CEP162: variants seen among roughly 807,000 people sequenced by gnomAD.
The protein encoded by CEP162 is centrosomal protein 162.
A neutral mutation model predicts 169.2 loss-of-function variants in CEP162; 141 were observed. The ratio of observed to expected loss-of-function variants is 0.83; its 90% CI spans 0.73 to 0.96. CEP162 has a LOEUF of 0.96. Ranked by LOEUF, CEP162 falls within the 40% of genes least tolerant of loss-of-function variation. CEP162 has a pLI of 0.00. For synonymous variants in CEP162, 540 were observed against 526.4 expected, an observed-to-expected ratio of 1.03 and a Z score of -0.35; for missense variants, 1,600 against 1,587.2, an observed-to-expected ratio of 1.01 and a Z score of -0.14.
At chr6:84,204,641 C>T (rs914798461) in intron 6 of CEP162, among the ~76,000 whole-genome samples, 8 of 151,996 alleles carry the variant, frequency 5.3e-5, no homozygotes, top group Non-Finnish European at 8.8e-5. Flanking sequence ...GATCTAAAAT[C>T]GACACCCTAA....
chr6:84,152,777 T>G lies in CEP162; in HGVS notation c.3397A>C (p.Lys1133Gln). The part of the protein sequence containing the change: ...NSKGREEMSA[K>Q]RAKKDVLHSS... ...TGCAAAACATCTTTCTTTGCCCTTT[T>G]GGCAGACATTTCCTCTCTGCCCTTT... is the stretch of plus-strand genomic sequence containing the variant. Residue 1133 changes from lysine to glutamine, a missense_variant, in exon 23 of 27, where the codon AAA becomes CAA. Lys to Gln is a moderately conservative substitution (Grantham distance 53). Transcript: ENST00000403245. 2 of 1,613,520 alleles carry G rather than the reference T, an allele frequency of 1.2e-6. No homozygotes were observed. The highest frequency in any genetic ancestry group is 1.3e-5 in the African/African-American group (1 of 75,036).
intron 25 of CEP162, among the ~76,000 whole-genome samples, chr6:84,132,404 G>T (rs988218977): frequency 6.6e-6 from 1 of 152,086 alleles, no homozygotes; most frequent in African/African-American, 2.4e-5. Flanking sequence ...TGCTAGGCTG[G>T]GGAAGTTCTC....
intron 13 of CEP162, among the ~76,000 whole-genome samples, chr6:84,178,177 T>C (rs1277103001): frequency 6.6e-6 from 1 of 152,186 alleles, no homozygotes; most frequent in Admixed American, 6.5e-5. Flanking sequence ...GTTATGACAT[T>C]TATGAGATAT....
intron 6 of CEP162, among the ~76,000 whole-genome samples, chr6:84,210,817 C>G (rs557486881): frequency 1.3e-5 from 2 of 152,212 alleles, no homozygotes; most frequent in East Asian, 3.9e-4. Flanking sequence ...TCATTGATCA[C>G]TAGGGGCATT....
At chr6:84,163,356 AC>A in intron 18 of CEP162, 86 bp from the exon 19 acceptor site, 2 of 951,884 alleles carry the variant, frequency 2.1e-6, no homozygotes, top group Non-Finnish European at 3.1e-6. Flanking sequence ...CATCATGAAC[AC>A]TACGGCAAAA....
chr6:84,194,518 A>G (rs553356288), intron 10 of CEP162, among the ~76,000 whole-genome samples: 5 of 150,416 alleles, frequency 3.3e-5, no homozygotes, highest in African/African-American at 1.2e-4. Context: ...CAGTGGCGCA[A>G]TATTGGCTCA....
intron 25 of CEP162, among the ~76,000 whole-genome samples, chr6:84,135,460 T>C (rs1418759168): frequency 6.6e-6 from 1 of 152,198 alleles, no homozygotes; most frequent in Non-Finnish European, 1.5e-5. Context: ...ACAGACTGCT[T>C]CCCAGAGAAG....
chr6:84,214,394 T>TGGGGAACCAA lies in CEP162; in HGVS notation c.503+878_503+887dup, dbSNP rs573526394. On this transcript the variant is annotated intron_variant, in intron 5 of 26. Coordinates refer to ENST00000403245, the MANE Select transcript of CEP162 (RefSeq NM_014895.4). The stretch of plus-strand genomic sequence containing the variant: ...TTGCCCTCAGCATAATCATAGGGCA[T>TGGGGAACCAA]GGGGAACCAATGCGAACAAATGCGA... 1.4e-4 allele frequency among the ~76,000 whole-genome samples: 21 copies of TGGGGAACCAA among 152,328 alleles called. No individual in the cohort carries two copies. In the East Asian group the frequency reaches 4.1e-3, roughly 29 times the overall value.
At chr6:84,194,815 A>T in intron 10 of CEP162, 69 bp downstream of exon 10, 1 of 1,159,210 alleles carries the variant, frequency 8.6e-7, no homozygotes, top group Middle Eastern at 2.4e-4. Context: ...TTGTATTTTA[A>T]TTATATTACA....
chr6:84,125,400 G>A (rs2099508516), intron 26 of CEP162, 124 bp from the exon 27 acceptor site: 2 of 743,234 alleles, frequency 2.7e-6, no homozygotes, highest in Admixed American at 2.5e-5. Flanking sequence ...ATAATGCTCT[G>A]CGTGGATGCA....
At chr6:84,176,613 A>G (rs2099532515) in intron 13 of CEP162, among the ~76,000 whole-genome samples, 1 of 152,184 alleles carries the variant, frequency 6.6e-6, no homozygotes, top group Admixed American at 6.5e-5. Context: ...GGTCAACATG[A>G]CGCTCATAGA....
At chr6:84,150,443 C>A (rs1175737608) in intron 23 of CEP162, among the ~76,000 whole-genome samples, 1 of 151,950 alleles carries the variant, frequency 6.6e-6, no homozygotes, top group Admixed American at 6.6e-5. Flanking sequence ...TGGTGCTTCC[C>A]AACTATAGAC....
rs2099529063 is a variant in CEP162, at chr6:84,169,324, T to C, written c.2385+4A>G. The C allele has an allele frequency of 1.3e-6, 2 of 1,517,450 alleles. No individual in the cohort carries two copies. The highest frequency in any genetic ancestry group is 1.8e-6 in the Non-Finnish European group (2 of 1,121,834). The allele number at this position is 1,517,450 out of a possible 1,614,324, so 94.0% of individuals were successfully genotyped here. ...CTAATAGTCAAAATCGTTATGCAACTTACCTGTGCCATCCGTAGTTCTGCT... is the reference window on the plus strand; with the variant it reads ...CTAATAGTCAAAATCGTTATGCAACCTACCTGTGCCATCCGTAGTTCTGCT... On this transcript the variant is annotated splice_donor_region_variant and intron_variant, in intron 18 of 26. Coordinates refer to ENST00000403245, the MANE Select transcript of CEP162 (RefSeq NM_014895.4).
chr6:84,155,719 T>A, intron 21 of CEP162: 2 of 514,214 alleles, frequency 3.9e-6, no homozygotes, highest in Non-Finnish European at 6.9e-6. Flanking sequence ...CAAACACTGA[T>A]AAAGAAAACC....
chr6:84,204,451 A>C lies in CEP162; in HGVS notation c.572-355T>G, dbSNP rs146882724. On this transcript the variant is annotated intron_variant, in intron 6 of 26. Transcript: ENST00000403245. Reference sequence around the variant, plus strand: ...ACTCAAAACCGCACAACTACATGGAAACTGAACAAGCTGCTCCTGAATGAC... The same window carrying C: ...ACTCAAAACCGCACAACTACATGGACACTGAACAAGCTGCTCCTGAATGAC... 1.0e-3 allele frequency among the ~76,000 whole-genome samples: 152 copies of C among 152,360 alleles called. 1 individual carries two copies. The highest frequency in any genetic ancestry group is 1.7e-3 in the Non-Finnish European group (115 of 68,032).
At chr6:84,125,601 T>TAGAGACACCGAAGAGATCATCACCAGA (rs1437421175) in intron 26 of CEP162, among the ~76,000 whole-genome samples, 1 of 152,072 alleles carries the variant, frequency 6.6e-6, no homozygotes, top group African/African-American at 2.4e-5. Flanking sequence ...TTTCCACCAC[T>TAGAGACACCGAAGAGATCATCACCAGA]AGAGACACCG....
intron 18 of CEP162, 50 bp downstream of exon 18, chr6:84,169,278 T>C (rs2099529032): frequency 1.9e-6 from 2 of 1,046,218 alleles, no homozygotes; most frequent in Non-Finnish European, 2.7e-6. Flanking sequence ...AATGGGGATT[T>C]TTATAAAACC....
intron 23 of CEP162, among the ~76,000 whole-genome samples, chr6:84,149,932 T>C (rs1395223169): frequency 1.4e-5 from 2 of 145,476 alleles, no homozygotes; most frequent in East Asian, 1.9e-4. Context: ...CTTGAGGAAA[T>C]AGTGATATAT....
At chr6:84,189,415 C>T (rs2099538736) in intron 11 of CEP162, among the ~76,000 whole-genome samples, 1 of 152,186 alleles carries the variant, frequency 6.6e-6, no homozygotes, top group Non-Finnish European at 1.5e-5. Flanking sequence ...GCTTGCGGGC[C>T]AGCTGGAGTT....
Sources: gnomAD v4.1 joint callset for allele counts (sites outside exome capture counted in the v4.1 genomes callset) on GRCh38, gnomAD v4.1.1 for gene constraint, MANE v1.5 for transcripts, NCBI Gene and HGNC (gene_info 2026-07-23, HGNC 2026-07-21) for gene names.